Variants in SYN3 observed in about 807,000 individuals in gnomAD.
SYN3 encodes synapsin-3.
A neutral mutation model predicts 65.8 loss-of-function variants in SYN3; 35 were observed. That is an observed-to-expected ratio of 0.53 (90% CI 0.41 to 0.70). The LOEUF is 0.70. SYN3 is among the 30% of genes least tolerant of loss of function. The probability of loss-of-function intolerance (pLI) is 0.00; values close to 1 mark genes in which losing one functional copy is unlikely to be tolerated. For missense variants in SYN3, 680 were observed against 749.0 expected, an observed-to-expected ratio of 0.91 and a Z score of 1.08; for synonymous variants, 270 against 292.9, an observed-to-expected ratio of 0.92 and a Z score of 0.80.
intron 7 of SYN3, among the ~76,000 whole-genome samples, chr22:32,593,772 T>C (rs2059159534): frequency 1.3e-5 from 2 of 152,220 alleles, no homozygotes; most frequent in South Asian, 4.2e-4. Flanking sequence ...CGGGAGTCTG[T>C]TGGCATGCAG....
rs148319185 is a variant in SYN3, at chr22:32,698,269, G to C, written c.712-101533C>G. On this transcript the variant is annotated intron_variant, in intron 6 of 13. Transcript: ENST00000358763. ...CAACTTCAAGGTGGGGTCTGAAGGG[G>C]TTTGACATCACATATCTGCATGAAT... Among the ~76,000 whole-genome samples the C allele has an allele frequency of 2.2e-3, 336 of 152,210 alleles. 1 individual carries two copies. The highest frequency in any genetic ancestry group is 7.7e-3 in the African/African-American group (321 of 41,504).
chr22:32,632,514 C>T (rs754730840), intron 6 of SYN3, among the ~76,000 whole-genome samples: 4 of 152,156 alleles, frequency 2.6e-5, no homozygotes, highest in Non-Finnish European at 4.4e-5. Flanking sequence ...GACACCTTCC[C>T]TTTGGGGCCT....
intron 6 of SYN3, among the ~76,000 whole-genome samples, chr22:32,739,229 G>C (rs990024490): frequency 5.3e-5 from 8 of 151,978 alleles, no homozygotes; most frequent in African/African-American, 1.9e-4. Context: ...AGTCTCATGA[G>C]ATCTGATGAT....
At chr22:32,751,787 A>G (rs34843069) in intron 6 of SYN3, among the ~76,000 whole-genome samples, 3,632 of 152,324 alleles carry the variant, frequency 0.024, 60 homozygotes, top group Non-Finnish European at 0.04. Context: ...AAGCAGAGCC[A>G]AAGAAATCTT....
At chr22:32,930,774 G>A (rs1268432538) in intron 4 of SYN3, among the ~76,000 whole-genome samples, 1 of 152,044 alleles carries the variant, frequency 6.6e-6, no homozygotes, top group Non-Finnish European at 1.5e-5. Context: ...ATTCATACAT[G>A]TGTTTATCTC....
At chr22:32,769,522 T>G (rs575350473) in intron 6 of SYN3, among the ~76,000 whole-genome samples, 7 of 151,894 alleles carry the variant, frequency 4.6e-5, no homozygotes, top group South Asian at 4.2e-4. Context: ...GTGTTTGTTT[T>G]TTTTTTTTTT....
chr22:33,049,443 A>T (rs562913390), intron 1 of SYN3, among the ~76,000 whole-genome samples: 1 of 152,292 alleles, frequency 6.6e-6, no homozygotes, highest in Admixed American at 6.5e-5. Flanking sequence ...CTTTCCTATG[A>T]TAATAATTTG....
intron 6 of SYN3, among the ~76,000 whole-genome samples, chr22:32,698,267 G>A (rs1445530198): frequency 1.3e-5 from 2 of 152,048 alleles, no homozygotes; most frequent in African/African-American, 2.4e-5. Context: ...GGGTCTGAAG[G>A]GGTTTGACAT....
At chr22:32,516,560 C>T (rs1308351031) in intron 13 of SYN3, among the ~76,000 whole-genome samples, 1 of 152,090 alleles carries the variant, frequency 6.6e-6, no homozygotes, top group African/African-American at 2.4e-5. Flanking sequence ...GATGGGGTTT[C>T]ACCATGTTGG....
intron 6 of SYN3, among the ~76,000 whole-genome samples, chr22:32,624,416 G>A (rs753561413): frequency 1.1e-4 from 16 of 152,180 alleles, no homozygotes; most frequent in Non-Finnish European, 2.1e-4. Context: ...CACCTGCCCG[G>A]TCATACCCAT....
intron 3 of SYN3, among the ~76,000 whole-genome samples, chr22:32,972,490 C>T (rs76195159): frequency 7.2e-5 from 11 of 152,286 alleles, no homozygotes; most frequent in Non-Finnish European, 1.3e-4. Context: ...GTCTCTCCTG[C>T]ACTATGGGAG....
intron 3 of SYN3, among the ~76,000 whole-genome samples, chr22:32,935,143 G>T (rs1258332466): frequency 6.6e-6 from 1 of 152,130 alleles, no homozygotes; most frequent in South Asian, 2.1e-4. Context: ...TAATAACTTT[G>T]GGAATTGAAT....
At chr22:32,544,084 G>A (rs560394231) in intron 7 of SYN3, among the ~76,000 whole-genome samples, 59 of 152,280 alleles carry the variant, frequency 3.9e-4, no homozygotes, top group African/African-American at 1.3e-3. Context: ...GACTACAGGC[G>A]TGCACCACCA....
intron 6 of SYN3, among the ~76,000 whole-genome samples, chr22:32,730,838 GT>G (rs2061260914): frequency 6.6e-6 from 1 of 152,094 alleles, no homozygotes; most frequent in African/African-American, 2.4e-5. Flanking sequence ...CCATGTTTTG[GT>G]TTCTAGAGTG....
At chr22:32,667,197 A>C (rs8137260) in intron 6 of SYN3, among the ~76,000 whole-genome samples, 1,500 of 144,012 alleles carry the variant, frequency 0.01, 29 homozygotes, top group African/African-American at 0.037. Context: ...TCACTCGCTC[A>C]CTCCTTTCCT....
intron 6 of SYN3, among the ~76,000 whole-genome samples, chr22:32,802,391 C>T (rs908123332): frequency 6.6e-6 from 1 of 152,116 alleles, no homozygotes; most frequent in African/African-American, 2.4e-5. Flanking sequence ...CCTACCGGTC[C>T]TTTTGACATC....
chr22:32,864,914 C>T lies in SYN3; in HGVS notation c.711+1G>A. 1.9e-6 allele frequency: 3 copies of T among 1,613,508 alleles called. No individual in the cohort carries two copies. Among genetic ancestry groups the T allele is most frequent in the Non-Finnish European group, 2.5e-6 (3 of 1,179,464 alleles). ...GAAACAGAGTAAAAAAGGGCACTCA[C>T]CATTGGCTTATGGTTGGGGAAAAAT... On this transcript the variant is annotated splice_donor_variant, in intron 6 of 13. Coordinates refer to ENST00000358763, the MANE Select transcript of SYN3 (RefSeq NM_003490.4). LOFTEE classifies it high-confidence loss of function.
At chr22:32,603,531 A>G in intron 6 of SYN3, among the ~76,000 whole-genome samples, 1 of 128,626 alleles carries the variant, frequency 7.8e-6, no homozygotes, top group East Asian at 2.2e-4. Context: ...CCGTCTCAAA[A>G]AAAAAGAAAA....
intron 6 of SYN3, among the ~76,000 whole-genome samples, chr22:32,756,803 A>G (rs926820188): frequency 6.6e-6 from 1 of 152,208 alleles, no homozygotes; most frequent in African/African-American, 2.4e-5. Flanking sequence ...CCAGTCCTGT[A>G]CAACCTGCAG....
Sources: gnomAD v4.1 joint callset for allele counts (sites outside exome capture counted in the v4.1 genomes callset) on GRCh38, gnomAD v4.1.1 for gene constraint, MANE v1.5 for transcripts, NCBI Gene and HGNC (gene_info 2026-07-23, HGNC 2026-07-21) for gene names.